TBL1XR1: variants seen among roughly 807,000 people sequenced by gnomAD.
TBL1XR1 encodes the protein TBL1X/Y related 1, also known as F-box-like/WD repeat-containing protein TBL1XR1.
Under a neutral mutation model 66.9 loss-of-function variants are expected in TBL1XR1, and 5 were observed. That is an observed-to-expected ratio of 0.07 (90% confidence interval 0.04 to 0.16). The LOEUF (loss-of-function observed/expected upper bound fraction) is 0.16, where lower values mean the gene tolerates loss of function less well. Among genes scored for constraint, TBL1XR1 ranks in the 10% least tolerant of loss-of-function variants. The pLI is 1.00. For synonymous variants in TBL1XR1, 210 were observed against 206.0 expected (o/e 1.02, Z -0.17); for missense variants, 238 against 623.2 (o/e 0.38, Z 6.58).
intron 14 of TBL1XR1, among the ~76,000 whole-genome samples, chr3:177,031,090 G>A (rs1713924448): frequency 6.6e-6 from 1 of 152,136 alleles, no homozygotes; most frequent in African/African-American, 2.4e-5. Context: ...CCAGCCTGGG[G>A]CACAAGAGCG....
At chr3:177,175,831 T>G (rs1360503262) in intron 1 of TBL1XR1, among the ~76,000 whole-genome samples, 1 of 151,938 alleles carries the variant, frequency 6.6e-6, no homozygotes, top group Admixed American at 6.6e-5. Context: ...GGCCGAGGCG[T>G]GCGGATCTCG....
intron 10 of TBL1XR1, among the ~76,000 whole-genome samples, chr3:177,043,099 G>C (rs910458343): frequency 6.6e-6 from 1 of 151,960 alleles, no homozygotes; most frequent in Non-Finnish European, 1.5e-5. Flanking sequence ...CTGAGTACTT[G>C]GGCTCTTCCA....
intron 1 of TBL1XR1, among the ~76,000 whole-genome samples, chr3:177,185,961 T>C (rs1282039333): frequency 1.3e-5 from 2 of 152,056 alleles, no homozygotes. Flanking sequence ...AAGTGAGCCA[T>C]GTTCACACCA....
At chr3:177,074,418 G>A (rs1261252007) in intron 2 of TBL1XR1, among the ~76,000 whole-genome samples, 1 of 152,122 alleles carries the variant, frequency 6.6e-6, no homozygotes, top group Non-Finnish European at 1.5e-5. Flanking sequence ...TTACCAACAG[G>A]AAGCCTAAGC....
chr3:177,097,074 T>C (rs1251374190), intron 2 of TBL1XR1, among the ~76,000 whole-genome samples: 1 of 152,160 alleles, frequency 6.6e-6, no homozygotes, highest in East Asian at 1.9e-4. Flanking sequence ...CTGAAAAAAA[T>C]CCATCTCTAA....
At chr3:177,105,641 T>C (rs1724786583) in intron 1 of TBL1XR1, among the ~76,000 whole-genome samples, 1 of 152,242 alleles carries the variant, frequency 6.6e-6, no homozygotes, top group South Asian at 2.1e-4. Context: ...CCAAGAAGAC[T>C]GTCTTTGATT....
At chr3:177,088,081 C>A (rs573158948) in intron 2 of TBL1XR1, among the ~76,000 whole-genome samples, 4 of 152,116 alleles carry the variant, frequency 2.6e-5, no homozygotes, top group African/African-American at 7.2e-5. Flanking sequence ...CTGAATAGTG[C>A]CTACACTGAG....
intron 4 of TBL1XR1, 119 bp from the exon 5 acceptor site, chr3:177,051,845 CT>C: frequency 7.9e-7 from 1 of 1,270,314 alleles, no homozygotes; most frequent in Non-Finnish European, 1.1e-6. Flanking sequence ...TTTTTAGGAA[CT>C]TTCTGAATTC....
intron 10 of TBL1XR1, among the ~76,000 whole-genome samples, chr3:177,045,602 T>C (rs896662295): frequency 6.6e-6 from 1 of 152,142 alleles, no homozygotes; most frequent in African/African-American, 2.4e-5. Flanking sequence ...GGAAAGTCTA[T>C]TTTTTACTTC....
intron 1 of TBL1XR1, among the ~76,000 whole-genome samples, chr3:177,171,014 A>T (rs1360336105): frequency 3.3e-5 from 5 of 152,102 alleles, no homozygotes; most frequent in Admixed American, 3.3e-4. Flanking sequence ...CTTAAGAAAA[A>T]ACTATTATAC....
intron 1 of TBL1XR1, among the ~76,000 whole-genome samples, chr3:177,183,712 A>AC (rs1735090194): frequency 6.6e-6 from 1 of 151,664 alleles, no homozygotes; most frequent in Non-Finnish European, 1.5e-5. Flanking sequence ...TGATCCACCC[A>AC]CCTCAGCCTC....
intron 10 of TBL1XR1, among the ~76,000 whole-genome samples, chr3:177,040,120 C>G (rs1357345306): frequency 6.6e-6 from 1 of 152,130 alleles, no homozygotes; most frequent in Admixed American, 6.6e-5. Context: ...GTGTTTGAGA[C>G]CAGCCTGGGC....
intron 13 of TBL1XR1, among the ~76,000 whole-genome samples, chr3:177,033,643 A>T (rs1013094168): frequency 7.9e-5 from 12 of 152,108 alleles, no homozygotes; most frequent in Admixed American, 6.5e-4. Flanking sequence ...CAATAATAAA[A>T]CTCAGTGTTT....
intron 2 of TBL1XR1, chr3:177,079,473 T>TA (rs1183324828): frequency 1.3e-5 from 2 of 151,706 alleles, no homozygotes; most frequent in African/African-American, 4.8e-5. Flanking sequence ...TATAGCTGCT[T>TA]AGATCTTATC....
chr3:177,056,799 T>C (rs967444793), intron 3 of TBL1XR1, among the ~76,000 whole-genome samples: 1 of 152,096 alleles, frequency 6.6e-6, no homozygotes, highest in Non-Finnish European at 1.5e-5. Context: ...AATCCTACCA[T>C]CCTACTCCAA....
At chr3:177,134,623 GA>G (rs1429438802) in intron 1 of TBL1XR1, among the ~76,000 whole-genome samples, 1 of 152,082 alleles carries the variant, frequency 6.6e-6, no homozygotes, top group African/African-American at 2.4e-5. Context: ...TTTCCTTAAA[GA>G]AATACCCCAT....
chr3:177,094,068 T>C (rs552725936), intron 2 of TBL1XR1, among the ~76,000 whole-genome samples: 1 of 152,090 alleles, frequency 6.6e-6, no homozygotes. Context: ...AAATCTCCAC[T>C]ATCTATACAT....
intron 2 of TBL1XR1, among the ~76,000 whole-genome samples, chr3:177,069,473 C>T (rs1330369174): frequency 6.6e-6 from 1 of 152,078 alleles, no homozygotes; most frequent in Non-Finnish European, 1.5e-5. Flanking sequence ...GTGGCTTACA[C>T]TTATAATCCC....
chr3:177,075,334 T>C (rs1720569345), intron 2 of TBL1XR1, among the ~76,000 whole-genome samples: 2 of 152,224 alleles, frequency 1.3e-5, no homozygotes, highest in Admixed American at 1.3e-4. Flanking sequence ...TCCCTCTTTT[T>C]ATAAAAACAC....
Sources: gnomAD v4.1 joint callset for allele counts (sites outside exome capture counted in the v4.1 genomes callset) on GRCh38, gnomAD v4.1.1 for gene constraint, MANE v1.5 for transcripts, NCBI Gene and HGNC (gene_info 2026-07-23, HGNC 2026-07-21) for gene names.